Variants in CLASP1 observed in about 807,000 individuals in gnomAD.
CLASP1 encodes CLIP-associating protein 1.
Under a neutral mutation model 192.3 loss-of-function variants are expected in CLASP1, and 38 were observed. The observed-to-expected ratio is 0.20, with a 90% CI of 0.15 to 0.26. The LOEUF (loss-of-function observed/expected upper bound fraction) is 0.26, where lower values mean the gene tolerates loss of function less well. Ranked by LOEUF, CLASP1 falls within the 10% of genes least tolerant of loss-of-function variation. The pLI is 1.00. For synonymous variants in CLASP1, 691 were observed against 712.8 expected, an observed-to-expected ratio of 0.97 and a Z score of 0.49; for missense variants, 1,433 against 1,932.5, an observed-to-expected ratio of 0.74 and a Z score of 4.85.
chr2:121,523,174 G>A (rs890211094), intron 6 of CLASP1, among the ~76,000 whole-genome samples: 5 of 152,180 alleles, frequency 3.3e-5, no homozygotes, highest in Non-Finnish European at 7.3e-5. Flanking sequence ...ATTGCGTCAG[G>A]TAGCTCAAGT....
chr2:121,440,084 TAAAAAAAAAACTAAAAAA>T (rs1380774131), intron 19 of CLASP1, among the ~76,000 whole-genome samples: 2 of 120,370 alleles, frequency 1.7e-5, no homozygotes, highest in Non-Finnish European at 3.3e-5. Flanking sequence ...AAAGTATAAT[TAAAAAAAAAACTAAAAAA>T]AAAAAAAAAA....
chr2:121,346,617 G>A (rs953804839), intron 39 of CLASP1, among the ~76,000 whole-genome samples: 5 of 152,218 alleles, frequency 3.3e-5, no homozygotes, highest in South Asian at 2.1e-4. Flanking sequence ...TGCAAAGTGC[G>A]TAGGGCTGCC....
intron 37 of CLASP1, among the ~76,000 whole-genome samples, chr2:121,354,703 A>C (rs2065078686): frequency 6.6e-6 from 1 of 152,230 alleles, no homozygotes; most frequent in African/African-American, 2.4e-5. Flanking sequence ...GTCAGAAAAC[A>C]CCGGATTCTG....
At chr2:121,438,682 A>C (rs894436015) in intron 19 of CLASP1, among the ~76,000 whole-genome samples, 1 of 152,096 alleles carries the variant, frequency 6.6e-6, no homozygotes, top group Non-Finnish European at 1.5e-5. Flanking sequence ...GATGAAGCCC[A>C]CTTGATCATG....
chr2:121,389,699 T>C (rs2074007095), intron 30 of CLASP1, among the ~76,000 whole-genome samples: 1 of 152,160 alleles, frequency 6.6e-6, no homozygotes. Flanking sequence ...TGCCTTTATT[T>C]AAGAGACAAT....
At chr2:121,573,696 G>C (rs2060187456) in intron 2 of CLASP1, among the ~76,000 whole-genome samples, 1 of 152,116 alleles carries the variant, frequency 6.6e-6, no homozygotes, top group African/African-American at 2.4e-5. Flanking sequence ...CAATATCCTG[G>C]TTGTGATTTG....
chr2:121,530,886 CCTTTT>C (rs1335866673), intron 2 of CLASP1: 1 of 692,792 alleles, frequency 1.4e-6, no homozygotes, highest in Non-Finnish European at 2.6e-6. Context: ...TTATAACCAT[CCTTTT>C]CTTGGGGTTG....
intron 2 of CLASP1, among the ~76,000 whole-genome samples, chr2:121,551,973 T>C (rs527381839): frequency 6.6e-6 from 1 of 152,232 alleles, no homozygotes; most frequent in East Asian, 1.9e-4. Flanking sequence ...CAAAACAGCA[T>C]GCTACTCATA....
rs755720995 is a variant in CLASP1 at position 121,401,385 on chromosome 2, T to C, written c.2900+124A>G. On this transcript the variant is annotated intron_variant, in intron 28 of 39. Transcript: ENST00000263710. The stretch of plus-strand genomic sequence containing the variant: ...CAACAAGTATGTCAACAACAGAAAG[T>C]GAGAACTGAGTAAAAGAGATATTCA... 16 of 684,042 alleles carry C rather than the reference T, an allele frequency of 2.3e-5. No homozygotes were observed. In the East Asian group the frequency reaches 4.1e-4, roughly 17 times the overall value. 42.4% of individuals were successfully genotyped at this position (684,042 alleles called of 1,614,324 possible). A position where few individuals can be genotyped will look rare whatever the true frequency, so the allele number is the denominator to read the frequency against.
exon 9 of CLASP1, chr2:121,469,893 G>A (rs2090362478): frequency 6.2e-7 from 1 of 1,613,604 alleles, no homozygotes; most frequent in African/African-American, 1.3e-5. Context: ...GTGGAGCCTT[G>A]GATGATGTAG....
At chr2:121,446,357 C>T (rs1279475345) in intron 19 of CLASP1, among the ~76,000 whole-genome samples, 3 of 152,196 alleles carry the variant, frequency 2.0e-5, no homozygotes, top group Non-Finnish European at 4.4e-5. Context: ...ACGGCCTACT[C>T]CAGGTCACAG....
intron 39 of CLASP1, among the ~76,000 whole-genome samples, chr2:121,346,328 G>A (rs909358728): frequency 6.6e-6 from 1 of 152,214 alleles, no homozygotes; most frequent in Non-Finnish European, 1.5e-5. Context: ...CATAAGGCCG[G>A]GTTTTTAATC....
chr2:121,458,683 T>C (rs1171338405), intron 13 of CLASP1, among the ~76,000 whole-genome samples, 157 bp downstream of exon 13: 1 of 152,152 alleles, frequency 6.6e-6, no homozygotes, highest in African/African-American at 2.4e-5. Context: ...CACAATTAAG[T>C]AGGGGGAAAA....
intron 8 of CLASP1, among the ~76,000 whole-genome samples, chr2:121,499,419 A>T (rs920788039): frequency 2.0e-5 from 3 of 152,072 alleles, no homozygotes; most frequent in African/African-American, 7.2e-5. Flanking sequence ...GGGAGAGGGG[A>T]ATAGGGAGTA....
chr2:121,357,183 T>C (rs2065578742), intron 37 of CLASP1, among the ~76,000 whole-genome samples: 1 of 152,244 alleles, frequency 6.6e-6, no homozygotes, highest in Admixed American at 6.5e-5. Flanking sequence ...ACTGGTGTTT[T>C]AGAGTTTACT....
At chr2:121,424,286 T>C (rs1357551052) in intron 22 of CLASP1, among the ~76,000 whole-genome samples, 2 of 152,254 alleles carry the variant, frequency 1.3e-5, no homozygotes. Flanking sequence ...CTATCTCATG[T>C]ATCTTCTAAT....
rs994139270 is a variant in CLASP1 at position 121,616,910 on chromosome 2, G to A, written c.-285-10730C>T. ...AGACTTCATCAAGGCCTTCAAGAAG[G>A]TCACTGCCTGAAAGAAGAAAGAGAC... On this transcript the variant is annotated intron_variant, in intron 1 of 39. Coordinates refer to ENST00000263710, the Ensembl canonical transcript of CLASP1. Among the ~76,000 whole-genome samples the A allele has an allele frequency of 2.6e-5, 4 of 152,324 alleles. No individual in the cohort carries two copies. The South Asian group carries it at 6.2e-4, about 24-fold the overall frequency.
intron 34 of CLASP1, among the ~76,000 whole-genome samples, chr2:121,370,727 TG>T (rs2068467560): frequency 6.6e-6 from 1 of 152,224 alleles, no homozygotes; most frequent in South Asian, 2.1e-4. Context: ...TGGCACTTCC[TG>T]ACTCCTCCTG....
chr2:121,464,237 G>T (rs1575110238), intron 9 of CLASP1, among the ~76,000 whole-genome samples: 1 of 151,864 alleles, frequency 6.6e-6, no homozygotes, highest in Non-Finnish European at 1.5e-5. Flanking sequence ...TCTTAATCCA[G>T]TCTATCATTG....
Sources: gnomAD v4.1 joint callset for allele counts (sites outside exome capture counted in the v4.1 genomes callset) on GRCh38, gnomAD v4.1.1 for gene constraint, MANE v1.5 for transcripts, NCBI Gene and HGNC (gene_info 2026-07-23, HGNC 2026-07-21) for gene names.